The following SAP25 variants were observed in gnomAD, a reference collection of about 807,000 sequenced individuals.
SAP25 encodes histone deacetylase complex subunit SAP25.
A neutral mutation model predicts 31.5 loss-of-function variants in SAP25; 24 were observed. That is an observed-to-expected ratio of 0.76 (90% CI 0.55 to 1.07). The LOEUF is 1.07. Among genes scored for constraint, SAP25 ranks in the 50% least tolerant of loss-of-function variants. SAP25 has a pLI of 0.00. For missense variants in SAP25, 377 were observed against 418.8 expected (o/e 0.90, Z 0.87); for synonymous variants, 180 against 186.0 (o/e 0.97, Z 0.26).
rs1350713034 is a variant in SAP25, at chr7:100,573,292, C to T, written c.250+5G>A. 4 of 1,400,066 alleles carry T rather than the reference C, an allele frequency of 2.9e-6. No individual in the cohort carries two copies. The highest frequency in any genetic ancestry group is 3.7e-6 in the Non-Finnish European group (4 of 1,075,370). The allele number at this position is 1,400,066 out of a possible 1,614,324, so 86.7% of individuals were successfully genotyped here. On this transcript the variant is annotated splice_donor_5th_base_variant and intron_variant, in intron 2 of 5. Transcript: ENST00000622764. ...GGGTAGTAGAGGCAGCAGGGCCTGT[C>T]CTACCTGGGGCTCCGGGGGGCTGCT...
rs1801198481 is a variant in SAP25 at position 100,573,175 on chromosome 7, G to A, written c.288C>T (p.Pro96=). The part of the protein sequence containing the change: ...RSPQVAWEVA[P]SRMTPLAPWD... Reference sequence around the variant, plus strand: ...AGGGCGCTAGTGGAGTCATCCTCGAGGGGGCCACCTCCCAGGCCACCTGGG... The same window carrying A: ...AGGGCGCTAGTGGAGTCATCCTCGAAGGGGCCACCTCCCAGGCCACCTGGG... Residue 96 remains proline, a synonymous_variant, in exon 3 of 6, where the codon CCC becomes CCT. Coordinates refer to ENST00000622764, the MANE Select transcript of SAP25 (RefSeq NM_001348680.2). 2.0e-6 allele frequency: 3 copies of A among 1,533,948 alleles called. No individual in the cohort carries two copies. The African/African-American group carries it at 4.1e-5, about 21-fold the overall frequency.
rs1801224802 is a variant in SAP25, at chr7:100,573,617, C to T, written c.126G>A (p.Leu42=). The change falls in exon 1 of 6, where the codon CTG becomes CTA. Residue 42 remains leucine, a synonymous_variant. Coordinates refer to ENST00000622764, the MANE Select transcript of SAP25 (RefSeq NM_001348680.2). ...WSAGADAPRE[L]GTPPWDSPQP... is the part of the protein sequence containing the mutation. The stretch of plus-strand genomic sequence containing the variant: ...CTCACCTGTCCCATGGGGGTGTCCC[C>T]AGCTCCCTGGGGGCGTCCGCTCCGG... 1.6e-6 allele frequency: 2 copies of T among 1,231,732 alleles called. No individual in the cohort carries two copies. Among genetic ancestry groups the T allele is most frequent in the Admixed American group, 8.4e-5 (2 of 23,776 alleles). 76.3% of individuals were successfully genotyped at this position (1,231,732 alleles called of 1,614,324 possible).
At chr7:100,573,531 A>G (rs1244392243) in intron 1 of SAP25, 66 bp downstream of exon 1, 21 of 1,225,484 alleles carry the variant, frequency 1.7e-5, no homozygotes, top group Non-Finnish European at 2.0e-5. Flanking sequence ...GCCTCCGTAG[A>G]GCGCGTGGTG....
rs1801227564 is a variant in SAP25, at chr7:100,573,660, T to A, written c.83A>T (p.Gln28Leu). 1 of 1,230,788 alleles carries A rather than the reference T, an allele frequency of 8.1e-7. No individual in the cohort carries two copies. The highest frequency in any genetic ancestry group is 1.0e-6 in the Non-Finnish European group (1 of 987,452). The allele number at this position is 1,230,788 out of a possible 1,614,324, so 76.2% of individuals were successfully genotyped here. The change falls in exon 1 of 6, where the codon CAG becomes CTG. Residue 28 changes from glutamine (Q) to leucine (L), a missense_variant. Gln to Leu is a moderately radical substitution (Grantham distance 113). Coordinates refer to ENST00000622764, the MANE Select transcript of SAP25 (RefSeq NM_001348680.2). ...CGCTCCGGCGCTCCAGGGCTCGCCC[T>A]GGTCCTTGCCCGCCGGAAGGCCTGG... ...EGPGLPAGKD[Q>L]GEPWSAGADA...
In SAP25 at chr7:100,573,623, C is replaced by G. The variant is rs1403890652; in HGVS notation, c.120G>C (p.Arg40Ser). 7 of 1,231,538 alleles carry G rather than the reference C, an allele frequency of 5.7e-6. No individual in the cohort carries two copies. Among genetic ancestry groups the G allele is most frequent in the Non-Finnish European group, 2.0e-6 (2 of 987,896 alleles). 76.3% of individuals were successfully genotyped at this position (1,231,538 alleles called of 1,614,324 possible). A position where few individuals can be genotyped will look rare whatever the true frequency, so the allele number is the denominator to read the frequency against. ...TGTCCCATGGGGGTGTCCCCAGCTC[C>G]CTGGGGGCGTCCGCTCCGGCGCTCC... ...EPWSAGADAP[R>S]ELGTPPWDSP... Residue 40 changes from arginine to serine, a missense_variant, in exon 1 of 6, where the codon AGG (arginine) becomes AGC (serine). By Grantham distance (110) the Arg-to-Ser change is moderately radical. Transcript: ENST00000622764.
chr7:100,572,656 G>A lies in SAP25; in HGVS notation c.607C>T (p.Gln203Ter), dbSNP rs972621244. The A allele has an allele frequency of 5.2e-6, 8 of 1,531,532 alleles. No individual in the cohort carries two copies. In the African/African-American group the frequency reaches 1.1e-4, roughly 21 times the overall value. 94.9% of individuals were successfully genotyped at this position (1,531,532 alleles called of 1,614,324 possible). ...VPLYLSKAPQQMMGSLKLLPP... is the reference protein window; with the variant it reads ...VPLYLSKAPQ ...CAGGGAGGGGAAAGAGCTCTCACCT[G>A]CTGGGGGGCCTTGGACAGGTACAGG... The change falls in exon 5 of 6, where the codon CAG becomes TAG. Residue 203 changes from glutamine to a stop codon, truncating the protein, a stop_gained and splice_region_variant. Coordinates refer to ENST00000622764, the MANE Select transcript of SAP25 (RefSeq NM_001348680.2). LOFTEE classifies it high-confidence loss of function. The surrounding 1 kb of genome is among the most constrained non-coding windows in gnomAD (Gnocchi z 4.1).
chr7:100,572,827 A>G lies in SAP25; in HGVS notation c.511+33T>C. The stretch of plus-strand genomic sequence containing the variant: ...CACTGGTTCCCAGAGGAGTTGGGGC[A>G]GCCTTGCGCCCCCGGGGGACCAAGG... On this transcript the variant is annotated intron_variant, in intron 4 of 5. Transcript: ENST00000622764. This position sits in a 1 kb window ranked among gnomAD's most constrained non-coding sequence, Gnocchi z 4.1. 1 of 1,489,730 alleles carries G rather than the reference A, an allele frequency of 6.7e-7. No individual in the cohort carries two copies. Among genetic ancestry groups the G allele is most frequent in the Non-Finnish European group, 8.9e-7 (1 of 1,125,478 alleles). The allele number at this position is 1,489,730 out of a possible 1,614,324, so 92.3% of individuals were successfully genotyped here.
Position 100,572,646 on chromosome 7 carries a change from G to A in SAP25, c.609+8C>T, listed in dbSNP as rs1283768173. On this transcript the variant is annotated splice_region_variant and intron_variant, in intron 5 of 5. Coordinates refer to ENST00000622764, the MANE Select transcript of SAP25 (RefSeq NM_001348680.2). This position sits in a 1 kb window ranked among gnomAD's most constrained non-coding sequence, Gnocchi z 4.1. ...GGGGTAAGGACAGGGAGGGGAAAGAGCTCTCACCTGCTGGGGGGCCTTGGA... is the reference window on the plus strand; with the variant it reads ...GGGGTAAGGACAGGGAGGGGAAAGAACTCTCACCTGCTGGGGGGCCTTGGA... 6.5e-7 allele frequency: 1 copy of A among 1,528,856 alleles called. No individual in the cohort carries two copies. 94.7% of individuals were successfully genotyped at this position (1,528,856 alleles called of 1,614,324 possible).
At position 100,573,003 on chromosome 7, in the gene SAP25, C is replaced by T. The variant is rs1217536338; in HGVS notation, c.368G>A (p.Cys123Tyr). 1.3e-6 allele frequency: 2 copies of T among 1,490,092 alleles called. No homozygotes were observed. The highest frequency in any genetic ancestry group is 1.4e-5 in the African/African-American group (1 of 71,340). The allele number at this position is 1,490,092 out of a possible 1,614,324, so 92.3% of individuals were successfully genotyped here. ...GCCTGAGAACGAGGCTCCTGAGCTACAGTTGGCCCCCTAGGGTGAGGAGGA... is the reference window on the plus strand; with the variant it reads ...GCCTGAGAACGAGGCTCCTGAGCTATAGTTGGCCCCCTAGGGTGAGGAGGA... ...AGPRPVWGANCSSGASFSGRT... is the reference protein window; with the variant it reads ...AGPRPVWGANYSSGASFSGRT... The change falls in exon 4 of 6, where the codon TGT becomes TAT. Residue 123 changes from cysteine to tyrosine, a missense_variant. Cys to Tyr is a radical substitution (Grantham distance 194). Transcript: ENST00000622764.
In SAP25 at chr7:100,573,868, G is replaced by T. The variant is rs1801237461; in HGVS notation, c.-126C>A. On this transcript the variant is annotated 5_prime_UTR_variant, in exon 1 of 6. Transcript: ENST00000622764. ...GAACCCACCCCAGAGGCCTCGCGGC[G>T]ACGCTGGCGCCCTGTGCGTCTCCCG... The T allele has an allele frequency of 7.5e-6, 6 of 805,168 alleles. No homozygotes were observed. Among genetic ancestry groups the T allele is most frequent in the East Asian group, 1.2e-4 (2 of 16,942 alleles). The allele number at this position is 805,168 out of a possible 1,614,324, so 49.9% of individuals were successfully genotyped here. A position where few individuals can be genotyped will look rare whatever the true frequency, so the allele number is the denominator to read the frequency against.
At position 100,572,495 on chromosome 7, in the gene SAP25, C is replaced by G; in HGVS notation, c.686G>C (p.Arg229Pro). ...GCTGAGCCAGGCAGTGGAGGGGCCC[C>G]GGGAGGGTGATGGGCGGGGGAGCAC... The part of the protein sequence containing the change: ...ARVLPRPSPS[R>P]GPSTAWLSGP... Residue 229 changes from arginine (R) to proline (P), a missense_variant, in exon 6 of 6, where the codon CGG (arginine) becomes CCG (proline). Arg to Pro is a moderately radical substitution (Grantham distance 103, BLOSUM62 -2). Transcript: ENST00000622764. The surrounding 1 kb of genome is among the most constrained non-coding windows in gnomAD (Gnocchi z 4.1). 1 of 1,432,174 alleles carries G rather than the reference C, an allele frequency of 7.0e-7. No individual in the cohort carries two copies. The highest frequency in any genetic ancestry group is 1.4e-5 in the African/African-American group (1 of 69,300). 88.7% of individuals were successfully genotyped at this position (1,432,174 alleles called of 1,614,324 possible).
chr7:100,573,214 T>G lies in SAP25; in HGVS notation c.251-2A>C, dbSNP rs1562801586. On this transcript the variant is annotated splice_acceptor_variant, in intron 2 of 5. Transcript: ENST00000622764. LOFTEE classifies it high-confidence loss of function. Reference sequence around the variant, plus strand: ...AGGCCACCTGGGGGGAACGGGGATCTGGGGGGACGCTTGGGGATTATAACA... The same window carrying G: ...AGGCCACCTGGGGGGAACGGGGATCGGGGGGGACGCTTGGGGATTATAACA... The G allele has an allele frequency of 6.7e-7, 1 of 1,488,468 alleles. No homozygotes were observed. Among genetic ancestry groups the G allele is most frequent in the South Asian group, 1.2e-5 (1 of 81,164 alleles). 92.2% of individuals were successfully genotyped at this position (1,488,468 alleles called of 1,614,324 possible).
At chr7:100,573,427 G>A (rs966807376) in intron 1 of SAP25, 27 bp from the exon 2 acceptor site, 17 of 1,268,568 alleles carry the variant, frequency 1.3e-5, no homozygotes, top group Non-Finnish European at 1.7e-5. Flanking sequence ...TGAGGCTGCA[G>A]CCACACCGCC....
rs1801237137 is a variant in SAP25 at position 100,573,858 on chromosome 7, G to A, written c.-116C>T. The A allele has an allele frequency of 1.1e-6, 1 of 912,958 alleles. No homozygotes were observed. The highest frequency in any genetic ancestry group is 1.4e-6 in the Non-Finnish European group (1 of 729,114). 56.6% of individuals were successfully genotyped at this position (912,958 alleles called of 1,614,324 possible). ...CCCTCCTGGCGAACCCACCCCAGAGGCCTCGCGGCGACGCTGGCGCCCTGT... is the reference window on the plus strand; with the variant it reads ...CCCTCCTGGCGAACCCACCCCAGAGACCTCGCGGCGACGCTGGCGCCCTGT... On this transcript the variant is annotated 5_prime_UTR_variant, in exon 1 of 6. Coordinates refer to ENST00000622764, the MANE Select transcript of SAP25 (RefSeq NM_001348680.2).
Position 100,573,120 on chromosome 7 carries a change from G to A in SAP25, c.343C>T (p.Pro115Ser), listed in dbSNP as rs1176121129. 5 of 1,535,916 alleles carry A rather than the reference G, an allele frequency of 3.3e-6. No individual in the cohort carries two copies. Among genetic ancestry groups the A allele is most frequent in the Non-Finnish European group, 1.7e-6 (2 of 1,146,260 alleles). Reference protein sequence around the residue: ...WDPKYEAKAGPRPVWGANCSS... With the variant: ...WDPKYEAKAGSRPVWGANCSS... Reference sequence around the variant, plus strand: ...CCCCAACTCACCCACACCGGCCGAGGTCCTGCTTTGGCTTCATACTTGGGG... The same window carrying A: ...CCCCAACTCACCCACACCGGCCGAGATCCTGCTTTGGCTTCATACTTGGGG... The change falls in exon 3 of 6, where the codon CCT becomes TCT. Residue 115 changes from proline (P) to serine (S), a missense_variant. Transcript: ENST00000622764.
At position 100,572,648 on chromosome 7, in the gene SAP25, T is replaced by A; in HGVS notation, c.609+6A>T. ...GGTAAGGACAGGGAGGGGAAAGAGC[T>A]CTCACCTGCTGGGGGGCCTTGGACA... On this transcript the variant is annotated splice_donor_region_variant and intron_variant, in intron 5 of 5. Transcript: ENST00000622764. The surrounding 1 kb of genome is among the most constrained non-coding windows in gnomAD (Gnocchi z 4.1). 2 of 1,528,876 alleles carry A rather than the reference T, an allele frequency of 1.3e-6. No individual in the cohort carries two copies. The highest frequency in any genetic ancestry group is 2.4e-5 in the South Asian group (2 of 83,716). 94.7% of individuals were successfully genotyped at this position (1,528,876 alleles called of 1,614,324 possible). A position where few individuals can be genotyped will look rare whatever the true frequency, so the allele number is the denominator to read the frequency against.
In SAP25 at chr7:100,572,583, G is replaced by C; in HGVS notation, c.610-12C>G. On this transcript the variant is annotated splice_polypyrimidine_tract_variant and intron_variant, in intron 5 of 5. Transcript: ENST00000622764. The surrounding 1 kb of genome is among the most constrained non-coding windows in gnomAD (Gnocchi z 4.1). Reference sequence around the variant, plus strand: ...AGGGAGCCCATCATCTGAGGAGAGAGAATGGAATGTGTTTCCTGCCAGGCA... The same window carrying C: ...AGGGAGCCCATCATCTGAGGAGAGACAATGGAATGTGTTTCCTGCCAGGCA... 3 of 1,480,918 alleles carry C rather than the reference G, an allele frequency of 2.0e-6. No homozygotes were observed. The East Asian group carries it at 7.5e-5, about 37-fold the overall frequency. The allele number at this position is 1,480,918 out of a possible 1,614,324, so 91.7% of individuals were successfully genotyped here. A position where few individuals can be genotyped will look rare whatever the true frequency, so the allele number is the denominator to read the frequency against.
In SAP25 at chr7:100,572,294, C is replaced by T; in HGVS notation, c.887G>A (p.Cys296Tyr). ...CACTCTGCCCTGAGAAGGCTATGGA[C>T]AATGGGTGTCTGGGGTCTGTGGGAG... is the stretch of plus-strand genomic sequence containing the variant. Reference protein sequence around the residue: ...LSLPQTPDTHCP With the variant: ...LSLPQTPDTHYP The change falls in exon 6 of 6, where the codon TGT becomes TAT. Residue 296 changes from cysteine (C) to tyrosine (Y), a missense_variant. By Grantham distance (194) the Cys-to-Tyr change is radical. Transcript: ENST00000622764. This position sits in a 1 kb window ranked among gnomAD's most constrained non-coding sequence, Gnocchi z 4.1. The T allele has an allele frequency of 7.6e-7, 1 of 1,317,054 alleles. No homozygotes were observed. The highest frequency in any genetic ancestry group is 9.7e-7 in the Non-Finnish European group (1 of 1,035,876). The allele number at this position is 1,317,054 out of a possible 1,614,324, so 81.6% of individuals were successfully genotyped here.
Position 100,573,352 on chromosome 7 carries a change from C to G in SAP25, c.195G>C (p.Leu65=). ...GGCCTGGCAGGTGGTGGGGCAGCAG[C>G]AGCTGCTCTCTCCAGATCCAGGAAG... ...RSPSWIWREQ[L]LLPHHLPGPA... is the part of the protein sequence containing the mutation. The change falls in exon 2 of 6, where the codon CTG becomes CTC. Residue 65 remains leucine, a synonymous_variant. Coordinates refer to ENST00000622764, the MANE Select transcript of SAP25 (RefSeq NM_001348680.2). The G allele has an allele frequency of 7.2e-7, 1 of 1,394,720 alleles. No individual in the cohort carries two copies. The highest frequency in any genetic ancestry group is 1.7e-5 in the South Asian group (1 of 60,228). 86.4% of individuals were successfully genotyped at this position (1,394,720 alleles called of 1,614,324 possible).
Sources: allele counts gnomAD v4.1 joint callset, GRCh38; gene constraint gnomAD v4.1.1; non-coding constraint Gnocchi (gnomAD v3.1); transcripts MANE v1.5; gene names NCBI Gene and HGNC (gene_info 2026-07-23, HGNC 2026-07-21).